The following SHC4 variants were observed in gnomAD, a reference collection of about 807,000 sequenced individuals.
The protein encoded by SHC4 is SHC-transforming protein 4.
SHC4 carries 41 observed loss-of-function variants against 69.4 expected under a neutral mutation model. The observed-to-expected ratio is 0.59, with a 90% CI of 0.46 to 0.77. SHC4 has a LOEUF of 0.77. SHC4 is among the 30% of genes least tolerant of loss of function. SHC4 has a pLI of 0.00. For synonymous variants in SHC4, 318 were observed against 299.3 expected, an observed-to-expected ratio of 1.06 and a Z score of -0.64; for missense variants, 777 against 783.8, an observed-to-expected ratio of 0.99 and a Z score of 0.10.
chr15:48,881,840 T>G (rs2141001362), intron 4 of SHC4, among the ~76,000 whole-genome samples: 1 of 152,308 alleles, frequency 6.6e-6, no homozygotes, highest in East Asian at 1.9e-4. Context: ...ATTTAAAAAT[T>G]GCAAGCATCG....
intron 11 of SHC4, among the ~76,000 whole-genome samples, chr15:48,827,648 G>C (rs1004150985): frequency 6.6e-6 from 1 of 152,118 alleles, no homozygotes; most frequent in Admixed American, 6.5e-5. Context: ...CTGTATACAA[G>C]TGTGAAATTA....
chr15:48,951,050 C>T (rs1432778182), intron 1 of SHC4, among the ~76,000 whole-genome samples: 1 of 152,010 alleles, frequency 6.6e-6, no homozygotes, highest in Non-Finnish European at 1.5e-5. Context: ...CATAGAACAC[C>T]TAAATCCTAA....
rs560647714 is a variant in SHC4, at chr15:48,842,267, T to C, written c.1483+1142A>G. Among the ~76,000 whole-genome samples, 30 of 152,338 alleles carry C rather than the reference T, an allele frequency of 2.0e-4. No homozygotes were observed. In the South Asian group the frequency reaches 6.0e-3, roughly 31 times the overall value. ...GAAAGGAGCCAACTTATTTTAGTGCTTTATAGATGACTTATTAAGGGGTTT... is the reference window on the plus strand; with the variant it reads ...GAAAGGAGCCAACTTATTTTAGTGCCTTATAGATGACTTATTAAGGGGTTT... On this transcript the variant is annotated intron_variant, in intron 10 of 11. Transcript: ENST00000332408.
chr15:48,961,026 C>T (rs1201159454), intron 1 of SHC4, among the ~76,000 whole-genome samples: 2 of 152,186 alleles, frequency 1.3e-5, no homozygotes, highest in Non-Finnish European at 1.5e-5. Flanking sequence ...TCTGCTTAAT[C>T]TCCCAGGGTT....
chr15:48,892,755 T>A (rs1156692919), intron 2 of SHC4, among the ~76,000 whole-genome samples: 1 of 150,300 alleles, frequency 6.7e-6, no homozygotes, highest in Non-Finnish European at 1.5e-5. Context: ...CCCAGCTACT[T>A]GGGAGGCTGA....
At chr15:48,914,349 G>A (rs1213722812) in intron 2 of SHC4, among the ~76,000 whole-genome samples, 1 of 152,230 alleles carries the variant, frequency 6.6e-6, no homozygotes, top group Non-Finnish European at 1.5e-5. Flanking sequence ...TGTGGTCTTA[G>A]AATGGCCACT....
chr15:48,893,609 A>G (rs1434615444), intron 2 of SHC4, among the ~76,000 whole-genome samples: 4 of 152,200 alleles, frequency 2.6e-5, no homozygotes, highest in Non-Finnish European at 5.9e-5. Context: ...TTAAGACGGG[A>G]AAATATTCAC....
chr15:48,955,768 G>A (rs1411276560), intron 1 of SHC4, among the ~76,000 whole-genome samples: 1 of 152,186 alleles, frequency 6.6e-6, no homozygotes, highest in Non-Finnish European at 1.5e-5. Flanking sequence ...TAATCATGTA[G>A]AGGCATTTGG....
intron 1 of SHC4, chr15:48,938,361 T>C (rs769677147): frequency 5.9e-5 from 9 of 152,218 alleles, no homozygotes; most frequent in Non-Finnish European, 1.2e-4. Context: ...TGGAGACCTA[T>C]GGTTTAAAAA....
chr15:48,890,975 A>C (rs1900126239), intron 2 of SHC4, among the ~76,000 whole-genome samples, 164 bp from the exon 3 acceptor site: 1 of 152,138 alleles, frequency 6.6e-6, no homozygotes, highest in African/African-American at 2.4e-5. Context: ...TGCTGTACTT[A>C]CTCCTTCTGC....
intron 2 of SHC4, among the ~76,000 whole-genome samples, chr15:48,914,457 C>T (rs776095008): frequency 3.3e-5 from 5 of 152,192 alleles, no homozygotes; most frequent in Non-Finnish European, 5.9e-5. Flanking sequence ...TGTTAACAAA[C>T]ATTAGCTATT....
At chr15:48,890,083 C>G (rs983627908) in intron 3 of SHC4, among the ~76,000 whole-genome samples, 3 of 152,190 alleles carry the variant, frequency 2.0e-5, no homozygotes, top group Non-Finnish European at 4.4e-5. Flanking sequence ...TTATTTCTTA[C>G]ATAACTCTAT....
At chr15:48,904,914 A>ACG (rs1192263797) in intron 2 of SHC4, among the ~76,000 whole-genome samples, 14 of 144,942 alleles carry the variant, frequency 9.7e-5, no homozygotes, top group Non-Finnish European at 6.0e-5. Context: ...CACGACACAC[A>ACG]CGCACACACA....
intron 1 of SHC4, among the ~76,000 whole-genome samples, chr15:48,960,171 C>T (rs1028861427): frequency 6.6e-6 from 1 of 152,104 alleles, no homozygotes; most frequent in Non-Finnish European, 1.5e-5. Flanking sequence ...ACAGATGGTG[C>T]CCCCATTAAA....
chr15:48,913,957 C>T (rs1900565285), intron 2 of SHC4, among the ~76,000 whole-genome samples: 1 of 152,162 alleles, frequency 6.6e-6, no homozygotes, highest in African/African-American at 2.4e-5. Context: ...TGGGGGTTCT[C>T]CTGGGTCCTG....
At chr15:48,880,057 A>G (rs1473773970) in intron 4 of SHC4, 1 of 167,122 alleles carries the variant, frequency 6.0e-6, no homozygotes, top group Non-Finnish European at 1.5e-5. Context: ...AGTAATGATT[A>G]CATCAGAAGG....
At chr15:48,846,540 C>G (rs1418289708) in intron 9 of SHC4, among the ~76,000 whole-genome samples, 6 of 152,124 alleles carry the variant, frequency 3.9e-5, no homozygotes, top group South Asian at 2.1e-4. Context: ...TTTCAGGAAG[C>G]CTTCCCCTGA....
intron 1 of SHC4, among the ~76,000 whole-genome samples, chr15:48,930,538 G>T (rs1007335288): frequency 2.6e-5 from 4 of 152,210 alleles, no homozygotes; most frequent in African/African-American, 9.6e-5. Context: ...TTGGGAGGCT[G>T]AGGCAGGAGG....
At chr15:48,927,307 G>A (rs1900871557) in intron 1 of SHC4, among the ~76,000 whole-genome samples, 1 of 152,134 alleles carries the variant, frequency 6.6e-6, no homozygotes, top group African/African-American at 2.4e-5. Flanking sequence ...TGGAAAGAGT[G>A]GACTCCCCAC....
Sources: gnomAD v4.1 joint callset for allele counts (sites outside exome capture counted in the v4.1 genomes callset) on GRCh38, gnomAD v4.1.1 for gene constraint, MANE v1.5 for transcripts, NCBI Gene and HGNC (gene_info 2026-07-23, HGNC 2026-07-21) for gene names.